The following PTPN13 variants were observed in gnomAD, a reference collection of about 807,000 sequenced individuals.
PTPN13 encodes protein tyrosine phosphatase non-receptor type 13.
Under a neutral mutation model 284.0 loss-of-function variants are expected in PTPN13, and 191 were observed. The observed-to-expected ratio is 0.67, with a 90% CI of 0.60 to 0.76. The LOEUF is 0.76. Ranked by LOEUF, PTPN13 falls within the 30% of genes least tolerant of loss-of-function variation. The probability of loss-of-function intolerance (pLI) is 0.00; values close to 1 mark genes in which losing one functional copy is unlikely to be tolerated. For missense variants in PTPN13, 2,797 were observed against 2,939.9 expected, an observed-to-expected ratio of 0.95 and a Z score of 1.12; for synonymous variants, 986 against 1,022.3, an observed-to-expected ratio of 0.96 and a Z score of 0.68.
intron 15 of PTPN13, among the ~76,000 whole-genome samples, chr4:86,741,380 G>A (rs1387298043): frequency 6.6e-6 from 1 of 152,192 alleles, no homozygotes; most frequent in Non-Finnish European, 1.5e-5. Flanking sequence ...GCAGACAAGA[G>A]AAGAGAGCTT....
intron 2 of PTPN13, among the ~76,000 whole-genome samples, chr4:86,646,425 G>A (rs1448119537): frequency 6.6e-6 from 1 of 150,996 alleles, no homozygotes; most frequent in Non-Finnish European, 1.5e-5. Context: ...AGCCTCTCAA[G>A]TAGCTGGAAT....
At chr4:86,736,629 A>G (rs1281415012) in intron 15 of PTPN13, among the ~76,000 whole-genome samples, 1 of 152,218 alleles carries the variant, frequency 6.6e-6, no homozygotes, top group South Asian at 2.1e-4. Context: ...CTTAGTTATT[A>G]CATTTTTATA....
intron 3 of PTPN13, among the ~76,000 whole-genome samples, chr4:86,677,634 G>GT (rs1268754143): frequency 2.3e-3 from 322 of 140,188 alleles, no homozygotes; most frequent in East Asian, 7.3e-3. Flanking sequence ...TCTTGTGTGG[G>GT]TTTTTTTTTT....
In PTPN13 at chr4:86,728,655, T is replaced by A. The variant is rs867722152; in HGVS notation, c.1609-3745T>A. 9.4e-3 allele frequency among the ~76,000 whole-genome samples: 953 copies of A among 101,666 alleles called. 38 individuals carry two copies. Among genetic ancestry groups the A allele is most frequent in the African/African-American group, 0.034 (889 of 26,488 alleles). 66.7% of individuals were successfully genotyped at this position (101,666 alleles called of 152,430 possible). A position where few individuals can be genotyped will look rare whatever the true frequency, so the allele number is the denominator to read the frequency against. On this transcript the variant is annotated intron_variant, in intron 10 of 47. Transcript: ENST00000411767. ...TTGCAACCCCTGCCTTTTTTTTTTT[T>A]TTTTTTTTTTTTTTTTTTTTTTGCT...
intron 1 of PTPN13, among the ~76,000 whole-genome samples, chr4:86,603,929 T>A (rs932803518): frequency 1.3e-5 from 2 of 152,080 alleles, no homozygotes; most frequent in African/African-American, 2.4e-5. Context: ...TTTAATTATT[T>A]GTAATAATAT....
intron 1 of PTPN13, among the ~76,000 whole-genome samples, chr4:86,597,409 G>GTTTAT (rs145248240): frequency 0.046 from 7,020 of 152,014 alleles, 216 homozygotes; most frequent in African/African-American, 0.06. Flanking sequence ...AGCTAATTTT[G>GTTTAT]TTTATTTTAT....
In PTPN13 at chr4:86,814,531, C is replaced by G; in HGVS notation, c.7438C>G (p.Gln2480Glu). 6.2e-7 allele frequency: 1 copy of G among 1,611,734 alleles called. No individual in the cohort carries two copies. The highest frequency in any genetic ancestry group is 8.5e-7 in the Non-Finnish European group (1 of 1,178,284). ...TCAAGCAGAAGAAGAGCAAAAACAG[C>G]AGCCTCAGCTTCTGAAGTGACATGA... Reference protein sequence around the residue: ...RLQAEEEQKQQPQLLK With the variant: ...RLQAEEEQKQEPQLLK Residue 2480 changes from glutamine (Q) to glutamate (E), a missense_variant, in exon 48 of 48, where the codon CAG becomes GAG. Transcript: ENST00000411767.
At chr4:86,661,113 G>A (rs1023140942) in intron 2 of PTPN13, 2 of 453,554 alleles carry the variant, frequency 4.4e-6, no homozygotes, top group Non-Finnish European at 8.9e-6. Context: ...GAGCATTTCA[G>A]CACCTAGAAG....
intron 35 of PTPN13, among the ~76,000 whole-genome samples, chr4:86,777,327 A>G (rs931558150): frequency 2.6e-5 from 4 of 152,046 alleles, no homozygotes; most frequent in African/African-American, 9.7e-5. Flanking sequence ...GCTCACTTCC[A>G]TCTTCAAAGC....
At chr4:86,640,325 G>A (rs1578313715) in intron 2 of PTPN13, among the ~76,000 whole-genome samples, 1 of 152,032 alleles carries the variant, frequency 6.6e-6, no homozygotes, top group South Asian at 2.1e-4. Context: ...TCAGAAAATT[G>A]GAAAGTATAG....
chr4:86,595,164 G>A (rs866792675), intron 1 of PTPN13, among the ~76,000 whole-genome samples: 5 of 152,198 alleles, frequency 3.3e-5, no homozygotes, highest in Middle Eastern at 6.8e-3. Flanking sequence ...CGTGCTTAAG[G>A]GAAGGGCTCC....
chr4:86,646,337 G>A (rs1239787158), intron 2 of PTPN13, among the ~76,000 whole-genome samples: 1 of 135,586 alleles, frequency 7.4e-6, no homozygotes, highest in Non-Finnish European at 1.5e-5. Flanking sequence ...TCCCTCTGTT[G>A]CCTAGGCTGG....
intron 35 of PTPN13, among the ~76,000 whole-genome samples, chr4:86,776,978 T>G (rs1288975079): frequency 2.6e-5 from 4 of 152,338 alleles, no homozygotes; most frequent in Admixed American, 2.0e-4. Flanking sequence ...CCACTGGAAC[T>G]TCATGCCTGC....
intron 6 of PTPN13, among the ~76,000 whole-genome samples, chr4:86,697,465 A>G (rs180715068): frequency 1.3e-5 from 2 of 152,246 alleles, no homozygotes; most frequent in Admixed American, 1.3e-4. Flanking sequence ...CTCTTCTTAT[A>G]TCTTACCTCC....
At chr4:86,739,818 T>TTACAGGCATTGGGTAAA (rs1384457976) in intron 15 of PTPN13, among the ~76,000 whole-genome samples, 1 of 152,028 alleles carries the variant, frequency 6.6e-6, no homozygotes, top group Non-Finnish European at 1.5e-5. Flanking sequence ...ACAATGGGGG[T>TTACAGGCATTGGGTAAA]TACAGGCATT....
At chr4:86,702,865 A>C (rs1731313199) in intron 7 of PTPN13, among the ~76,000 whole-genome samples, 1 of 152,134 alleles carries the variant, frequency 6.6e-6, no homozygotes, top group African/African-American at 2.4e-5. Context: ...TCTAGTTCAA[A>C]GAAAAGAATG....
At chr4:86,635,069 AG>A (rs1375142551) in intron 1 of PTPN13, among the ~76,000 whole-genome samples, 182 bp from the exon 2 acceptor site, 1 of 152,086 alleles carries the variant, frequency 6.6e-6, no homozygotes, top group Non-Finnish European at 1.5e-5. Context: ...GGTTGTTTTG[AG>A]GGTTTTTCCC....
At chr4:86,618,007 A>G (rs1377442091) in intron 1 of PTPN13, among the ~76,000 whole-genome samples, 8 of 152,082 alleles carry the variant, frequency 5.3e-5, no homozygotes, top group Non-Finnish European at 5.9e-5. Context: ...GCCCATGCCT[A>G]TGTCCTGAAT....
At chr4:86,808,503 A>G (rs1041641631) in intron 45 of PTPN13, among the ~76,000 whole-genome samples, 1 of 152,232 alleles carries the variant, frequency 6.6e-6, no homozygotes, top group Non-Finnish European at 1.5e-5. Flanking sequence ...AGATGTGAGT[A>G]ATGTTTCCCA....
Sources: gnomAD v4.1 joint callset for allele counts (sites outside exome capture counted in the v4.1 genomes callset) on GRCh38, gnomAD v4.1.1 for gene constraint, MANE v1.5 for transcripts, NCBI Gene and HGNC (gene_info 2026-07-23, HGNC 2026-07-21) for gene names.